CACNA1D: variants seen among roughly 807,000 people sequenced by gnomAD.
The protein encoded by CACNA1D is calcium voltage-gated channel subunit alpha1 D.
In CACNA1D, 55 loss-of-function variants were observed where a neutral mutation model predicts 257.1. The observed-to-expected ratio is 0.21, with a 90% CI of 0.17 to 0.27. The LOEUF is 0.27. Among genes scored for constraint, CACNA1D ranks in the 10% least tolerant of loss-of-function variants. The probability of loss-of-function intolerance (pLI) is 1.00; values close to 1 mark genes in which losing one functional copy is unlikely to be tolerated. For missense variants in CACNA1D, 1,876 were observed against 2,784.0 expected, an observed-to-expected ratio of 0.67 and a Z score of 7.34; for synonymous variants, 980 against 1,014.9, an observed-to-expected ratio of 0.97 and a Z score of 0.65.
intron 15 of CACNA1D, 81 bp from the exon 16 acceptor site, chr3:53,730,361 C>T: frequency 2.2e-6 from 2 of 903,412 alleles, no homozygotes; most frequent in Non-Finnish European, 3.7e-6. Flanking sequence ...TCCCGGGATG[C>T]AGAGGTGTGT....
intron 30 of CACNA1D, among the ~76,000 whole-genome samples, chr3:53,769,403 CCT>C (rs1005634022): frequency 3.3e-5 from 5 of 152,224 alleles, no homozygotes; most frequent in Non-Finnish European, 4.4e-5. Context: ...GGGAAGCCTG[CCT>C]CTCTCCTCCT....
At position 53,650,803 on chromosome 3, in the gene CACNA1D, A is replaced by G. The variant is rs1576232938; in HGVS notation, c.508A>G (p.Ile170Val). The change falls in exon 4 of 48, where the codon ATT becomes GTT. Residue 170 changes from isoleucine to valine, a missense_variant. Ile to Val is a conservative substitution (Grantham distance 29, BLOSUM62 3). Around this residue, in one of 10 missense-constraint regions of CACNA1D, gnomAD observed 188 missense variants for 390.4 expected, o/e 0.48. Transcript: ENST00000350061. ...GGAAAAAGTAGAATATGCCTTCCTG[A>G]TTATTTTTACAGTCGAGACATTTTT... The part of the protein sequence containing the change: ...NLEKVEYAFL[I>V]IFTVETFLKI... 6 of 1,613,938 alleles carry G rather than the reference A, an allele frequency of 3.7e-6. No individual in the cohort carries two copies. The highest frequency in any genetic ancestry group is 3.4e-6 in the Non-Finnish European group (4 of 1,179,922).
At chr3:53,621,722 G>A (rs901657339) in intron 3 of CACNA1D, among the ~76,000 whole-genome samples, 6 of 152,302 alleles carry the variant, frequency 3.9e-5, no homozygotes, top group African/African-American at 1.4e-4. Flanking sequence ...ACATCTATCT[G>A]ATGAAACATT....
chr3:53,733,844 C>T (rs2095024351), intron 19 of CACNA1D, among the ~76,000 whole-genome samples: 1 of 151,110 alleles, frequency 6.6e-6, no homozygotes, highest in South Asian at 2.1e-4. Flanking sequence ...TTTTACAGCT[C>T]ACCACTGTTT....
At chr3:53,775,679 A>G (rs2095393228) in intron 34 of CACNA1D, among the ~76,000 whole-genome samples, 1 of 152,170 alleles carries the variant, frequency 6.6e-6, no homozygotes, top group African/African-American at 2.4e-5. Flanking sequence ...ATGGCTGTAA[A>G]TCCAAGGGAA....
At chr3:53,538,467 G>A (rs991451643) in intron 3 of CACNA1D, among the ~76,000 whole-genome samples, 2 of 151,998 alleles carry the variant, frequency 1.3e-5, no homozygotes, top group East Asian at 3.9e-4. Flanking sequence ...TGTTTTTGAA[G>A]TTTTGACTTA....
intron 40 of CACNA1D, among the ~76,000 whole-genome samples, chr3:53,788,907 C>G (rs904780715): frequency 3.9e-5 from 6 of 152,092 alleles, no homozygotes; most frequent in Non-Finnish European, 7.3e-5. Context: ...TTCTGAACCC[C>G]CAAGACTTCC....
chr3:53,718,484 C>T, intron 10 of CACNA1D, 96 bp downstream of exon 10: 1 of 1,139,554 alleles, frequency 8.8e-7, no homozygotes, highest in Non-Finnish European at 1.3e-6. Context: ...AGCCCCGGGC[C>T]ATCGCCTTGG....
At chr3:53,647,108 T>G (rs1318397040) in intron 3 of CACNA1D, among the ~76,000 whole-genome samples, 1 of 150,914 alleles carries the variant, frequency 6.6e-6, no homozygotes, top group East Asian at 2.0e-4. Flanking sequence ...TGGCTTGAGT[T>G]CTCGTGGGCG....
At chr3:53,773,492 G>A (rs1399897246) in intron 33 of CACNA1D, 1 of 155,380 alleles carries the variant, frequency 6.4e-6, no homozygotes, top group Non-Finnish European at 1.4e-5. Flanking sequence ...AGGCAGCCTA[G>A]TCTAAGAATG....
At chr3:53,662,611 G>T (rs1019909473) in intron 5 of CACNA1D, among the ~76,000 whole-genome samples, 2 of 152,178 alleles carry the variant, frequency 1.3e-5, no homozygotes, top group Non-Finnish European at 2.9e-5. Context: ...TGAGTAGCCA[G>T]ACAGAACCAG....
At chr3:53,629,113 T>C (rs935462097) in intron 3 of CACNA1D, among the ~76,000 whole-genome samples, 3 of 152,190 alleles carry the variant, frequency 2.0e-5, no homozygotes, top group Non-Finnish European at 4.4e-5. Flanking sequence ...AAAGCAGCCT[T>C]AGACAAGAAA....
At chr3:53,645,433 A>C (rs1276855505) in intron 3 of CACNA1D, among the ~76,000 whole-genome samples, 2 of 152,148 alleles carry the variant, frequency 1.3e-5, no homozygotes, top group Non-Finnish European at 2.9e-5. Context: ...TTTCTGTAGT[A>C]CTTTCACTGT....
chr3:53,622,364 T>C (rs532742926), intron 3 of CACNA1D, among the ~76,000 whole-genome samples: 1 of 152,198 alleles, frequency 6.6e-6, no homozygotes, highest in Non-Finnish European at 1.5e-5. Flanking sequence ...CCAAGGGAAA[T>C]AAAAACATGT....
At chr3:53,677,675 G>A (rs532719514) in intron 8 of CACNA1D, among the ~76,000 whole-genome samples, 276 of 152,318 alleles carry the variant, frequency 1.8e-3, no homozygotes, top group Non-Finnish European at 2.3e-3. Context: ...GAATGTGGAA[G>A]CACTGTGTCA....
chr3:53,522,677 G>A (rs988733694), intron 3 of CACNA1D, among the ~76,000 whole-genome samples: 1 of 152,202 alleles, frequency 6.6e-6, no homozygotes, highest in Non-Finnish European at 1.5e-5. Flanking sequence ...TTGTACATAT[G>A]TATGGGGTAC....
At chr3:53,802,047 C>G in intron 42 of CACNA1D, 100 bp from the exon 43 acceptor site, 1 of 1,038,878 alleles carries the variant, frequency 9.6e-7, no homozygotes, top group Non-Finnish European at 1.5e-6. Context: ...AATTTGCTAA[C>G]CCCTACTCTA....
At chr3:53,734,024 A>G (rs879699157) in intron 19 of CACNA1D, among the ~76,000 whole-genome samples, 5,299 of 27,450 alleles carry the variant, frequency 0.19, 163 homozygotes, top group East Asian at 0.34. Flanking sequence ...GTGTATATAT[A>G]TATATATATA....
chr3:53,721,584 A>G (rs1451076237), intron 11 of CACNA1D, among the ~76,000 whole-genome samples: 1 of 152,250 alleles, frequency 6.6e-6, no homozygotes, highest in East Asian at 1.9e-4. Flanking sequence ...AACTGAAGGT[A>G]GGTGGAGGAC....
Sources: gnomAD v4.1 joint callset for allele counts (sites outside exome capture counted in the v4.1 genomes callset) on GRCh38, gnomAD v4.1.1 for gene constraint, gnomAD v4.1.1 regional missense constraint, MANE v1.5 for transcripts, NCBI Gene and HGNC (gene_info 2026-07-23, HGNC 2026-07-21) for gene names.